Variants in POU3F3 observed in about 807,000 individuals in gnomAD.
POU3F3 encodes POU class 3 homeobox 3.
A neutral mutation model predicts 8.6 loss-of-function variants in POU3F3; 1 was observed. The observed-to-expected ratio is 0.12, with a 90% CI of 0.04 to 0.55. The LOEUF (loss-of-function observed/expected upper bound fraction) is 0.55, where lower values mean the gene tolerates loss of function less well. Ranked by LOEUF, POU3F3 falls within the 20% of genes least tolerant of loss-of-function variation. The pLI is 0.91. For synonymous variants in POU3F3, 418 were observed against 327.4 expected, an observed-to-expected ratio of 1.28 and a Z score of -2.99; for missense variants, 577 against 690.7, an observed-to-expected ratio of 0.84 and a Z score of 1.84.
chr2:104,880,890 G>T, the POU3F3 span, among the ~76,000 whole-genome samples: 1 of 152,118 alleles, frequency 6.6e-6, no homozygotes, highest in Admixed American at 6.5e-5. Flanking sequence ...ATTGAAGTCT[G>T]CCCTGTACCC....
the POU3F3 span, chr2:104,867,895 G>T: frequency 4.7e-6 from 1 of 211,302 alleles, no homozygotes; most frequent in Non-Finnish European, 9.7e-6. This position sits in a 1 kb window ranked among gnomAD's most constrained non-coding sequence, Gnocchi z 5.0. Flanking sequence ...AGCAGCCAAG[G>T]CTGCGCACTC....
At chr2:104,906,938 A>C in the POU3F3 span, among the ~76,000 whole-genome samples, 4 of 151,880 alleles carry the variant, frequency 2.6e-5, no homozygotes, top group Non-Finnish European at 5.9e-5. Context: ...ACAGCTTTCC[A>C]CCAATACTTT....
the POU3F3 span, among the ~76,000 whole-genome samples, chr2:104,878,528 G>A: frequency 6.6e-6 from 1 of 152,170 alleles, no homozygotes; most frequent in Non-Finnish European, 1.5e-5. Flanking sequence ...TTATGCTTTT[G>A]TGAAAAGGCT....
the POU3F3 span, among the ~76,000 whole-genome samples, chr2:104,923,516 T>C: frequency 6.6e-6 from 1 of 151,946 alleles, no homozygotes; most frequent in Admixed American, 6.6e-5. Flanking sequence ...TTGCGAAAAA[T>C]ATATAGCTGT....
chr2:104,914,833 A>G, the POU3F3 span, among the ~76,000 whole-genome samples: 1 of 152,216 alleles, frequency 6.6e-6, no homozygotes, highest in Non-Finnish European at 1.5e-5. Flanking sequence ...TAGGTTTGCC[A>G]TTAGCACAAG....
At position 104,857,621 on chromosome 2, in the gene POU3F3, G is replaced by C. The variant is rs1324661235; in HGVS notation, c.*608G>C. On this transcript the variant is annotated 3_prime_UTR_variant, in exon 1 of 1. Transcript: ENST00000361360. ...CACGGAAACTTTATTTCCTGGGAGC[G>C]ACCTGAGAGAAAACAGAGGCACCAG... 1 of 153,596 alleles carries C rather than the reference G, an allele frequency of 6.5e-6. No individual in the cohort carries two copies. The highest frequency in any genetic ancestry group is 1.5e-5 in the Non-Finnish European group (1 of 68,028). 9.5% of individuals were successfully genotyped at this position (153,596 alleles called of 1,614,324 possible).
At chr2:104,890,715 G>T in the POU3F3 span, among the ~76,000 whole-genome samples, 1 of 152,176 alleles carries the variant, frequency 6.6e-6, no homozygotes, top group African/African-American at 2.4e-5. Flanking sequence ...GCACGCAAGG[G>T]CATAGTCAGC....
the POU3F3 span, among the ~76,000 whole-genome samples, chr2:104,893,883 C>CAAA: frequency 3.4e-5 from 3 of 87,778 alleles, no homozygotes; most frequent in Admixed American, 1.2e-4. Context: ...AACTCTGTCT[C>CAAA]AAAAAAAAAA....
At chr2:104,924,656 A>G in the POU3F3 span, among the ~76,000 whole-genome samples, 2 of 152,210 alleles carry the variant, frequency 1.3e-5, no homozygotes, top group South Asian at 4.1e-4. Flanking sequence ...TTTCGAATTC[A>G]TTTTCCACTT....
the POU3F3 span, chr2:104,866,016 T>A: frequency 6.6e-6 from 1 of 152,090 alleles, no homozygotes; most frequent in Admixed American, 6.6e-5. Flanking sequence ...TGGGGAGAAA[T>A]CTTTCAAATT....
the POU3F3 span, among the ~76,000 whole-genome samples, chr2:104,880,311 C>T: frequency 2.6e-5 from 4 of 152,176 alleles, no homozygotes; most frequent in South Asian, 2.1e-4. Context: ...CCCTCTCCAA[C>T]GTTAGAGGAG....
chr2:104,895,138 C>A, the POU3F3 span, among the ~76,000 whole-genome samples: 1 of 152,048 alleles, frequency 6.6e-6, no homozygotes, highest in East Asian at 1.9e-4. Flanking sequence ...ATCCACACTT[C>A]ACATACAGCT....
the POU3F3 span, among the ~76,000 whole-genome samples, chr2:104,889,629 G>A: frequency 6.6e-6 from 1 of 152,208 alleles, no homozygotes; most frequent in Non-Finnish European, 1.5e-5. Flanking sequence ...CCTCTGATAA[G>A]GGCCACCTCT....
the POU3F3 span, among the ~76,000 whole-genome samples, chr2:104,887,005 T>A: frequency 6.6e-6 from 1 of 152,164 alleles, no homozygotes; most frequent in African/African-American, 2.4e-5. Context: ...GGGCTGCTGG[T>A]TGCCCATTTT....
the POU3F3 span, among the ~76,000 whole-genome samples, chr2:104,888,213 A>T: frequency 6.6e-6 from 1 of 152,222 alleles, no homozygotes; most frequent in Non-Finnish European, 1.5e-5. Context: ...ACATATTTTT[A>T]CAGGTTCTTG....
rs1167703151 is a variant in POU3F3 at position 104,855,441 on chromosome 2, G to GGCGGCC, written c.-64_-59dup. ...GGGGCGCGGCGGCGGCGGCGGCGGC[G>GGCGGCC]GCGGCCGCGGCTGCTGCTGCGGCGG... On this transcript the variant is annotated 5_prime_UTR_variant, in exon 1 of 1. Coordinates refer to ENST00000361360, the MANE Select transcript of POU3F3 (RefSeq NM_006236.3). 10 of 813,842 alleles carry GGCGGCC rather than the reference G, an allele frequency of 1.2e-5. No homozygotes were observed. Among genetic ancestry groups the GGCGGCC allele is most frequent in the East Asian group, 1.3e-4 (1 of 7,538 alleles). The allele number at this position is 813,842 out of a possible 1,614,324, so 50.4% of individuals were successfully genotyped here.
the POU3F3 span, among the ~76,000 whole-genome samples, chr2:104,881,576 TACACACATAC>T: frequency 7.9e-5 from 12 of 152,304 alleles, no homozygotes; most frequent in South Asian, 2.3e-3. Flanking sequence ...CCTCTCTCTC[TACACACATAC>T]ACACACATAG....
At chr2:104,872,617 G>C in the POU3F3 span, 1 of 251,254 alleles carries the variant, frequency 4.0e-6, no homozygotes, top group East Asian at 1.5e-4. The surrounding 1 kb of genome is among the most constrained non-coding windows in gnomAD (Gnocchi z 4.6). Flanking sequence ...GTCTCGGCGC[G>C]CGCGGAAACC....
Position 104,855,571 on chromosome 2 carries a change from A to G in POU3F3, c.61A>G (p.Ile21Val), listed in dbSNP as rs1205744583. ...PGNSLLAAGS[I>V]VHSDAAGAGG... ...GAACAGCCTGCTCGCGGCCGGCTCTATTGTGCACTCGGACGCGGCAGGGGC... is the reference window on the plus strand; with the variant it reads ...GAACAGCCTGCTCGCGGCCGGCTCTGTTGTGCACTCGGACGCGGCAGGGGC... Residue 21 changes from isoleucine to valine, a missense_variant, in exon 1 of 1, where the codon ATT becomes GTT. Coordinates refer to ENST00000361360, the MANE Select transcript of POU3F3 (RefSeq NM_006236.3). 5.0e-6 allele frequency: 5 copies of G among 991,012 alleles called. No homozygotes were observed. Among genetic ancestry groups the G allele is most frequent in the East Asian group, 1.4e-4 (1 of 7,382 alleles). The allele number at this position is 991,012 out of a possible 1,614,324, so 61.4% of individuals were successfully genotyped here. A position where few individuals can be genotyped will look rare whatever the true frequency, so the allele number is the denominator to read the frequency against.
Sources: gnomAD v4.1 joint callset for allele counts (sites outside exome capture counted in the v4.1 genomes callset) on GRCh38, gnomAD v4.1.1 for gene constraint, Gnocchi (gnomAD v3.1) non-coding constraint, MANE v1.5 for transcripts, NCBI Gene and HGNC (gene_info 2026-07-23, HGNC 2026-07-21) for gene names.